OLFML1: variants seen among roughly 807,000 people sequenced by gnomAD.
The protein encoded by OLFML1 is olfactomedin-like protein 1.
Under a neutral mutation model 37.3 loss-of-function variants are expected in OLFML1, and 33 were observed. The ratio of observed to expected loss-of-function variants is 0.88; its 90% CI spans 0.67 to 1.18. OLFML1 has a LOEUF of 1.18. Ranked by LOEUF, OLFML1 falls within the 50% of genes most tolerant of loss-of-function variation. The pLI is 0.00. For synonymous variants in OLFML1, 186 were observed against 181.3 expected (o/e 1.03, Z -0.21); for missense variants, 545 against 483.7 (o/e 1.13, Z -1.19).
intron 2 of OLFML1, among the ~76,000 whole-genome samples, chr11:7,505,576 A>T (rs1197321084): frequency 6.6e-6 from 1 of 152,188 alleles, no homozygotes; most frequent in Non-Finnish European, 1.5e-5. Flanking sequence ...CATGCCTATA[A>T]TCCTAGCACT....
chr11:7,501,530 T>C (rs1375478031), intron 2 of OLFML1, among the ~76,000 whole-genome samples: 1 of 152,140 alleles, frequency 6.6e-6, no homozygotes, highest in Admixed American at 6.5e-5. Flanking sequence ...CTGGCCACAG[T>C]GTGAGACAGG....
intron 2 of OLFML1, among the ~76,000 whole-genome samples, chr11:7,494,753 G>A (rs2134179251): frequency 6.6e-6 from 1 of 152,348 alleles, no homozygotes; most frequent in South Asian, 2.1e-4. Context: ...GACTGCCAGG[G>A]AGGCACATGA....
In OLFML1 at chr11:7,486,900, C is replaced by T. The variant is rs374022460; in HGVS notation, c.129+896C>T. Among the ~76,000 whole-genome samples, 58 of 152,320 alleles carry T rather than the reference C, an allele frequency of 3.8e-4. 1 individual carries two copies. Among genetic ancestry groups the T allele is most frequent in the South Asian group, 2.1e-3 (10 of 4,828 alleles). ...GCAGGCCGAATGCATTTCCTAAGGGCGTCCAGCCAACAGGCTGGGGCCTGG... is the reference window on the plus strand; with the variant it reads ...GCAGGCCGAATGCATTTCCTAAGGGTGTCCAGCCAACAGGCTGGGGCCTGG... On this transcript the variant is annotated intron_variant, in intron 1 of 2. Coordinates refer to ENST00000329293, the MANE Select transcript of OLFML1 (RefSeq NM_198474.4).
At chr11:7,492,486 A>G (rs1349617674) in intron 2 of OLFML1, among the ~76,000 whole-genome samples, 1 of 152,228 alleles carries the variant, frequency 6.6e-6, no homozygotes, top group Non-Finnish European at 1.5e-5. Flanking sequence ...CTTCCAGGAA[A>G]TTCTAGTACT....
chr11:7,493,532 G>A (rs747549331), intron 2 of OLFML1, among the ~76,000 whole-genome samples: 5 of 152,228 alleles, frequency 3.3e-5, no homozygotes, highest in Admixed American at 1.3e-4. Context: ...GTGTGTGTAC[G>A]TGTGCCTGCG....
At position 7,488,324 on chromosome 11, in the gene OLFML1, C is replaced by G; in HGVS notation, c.327C>G (p.Asp109Glu). 6.2e-7 allele frequency: 1 copy of G among 1,613,974 alleles called. No homozygotes were observed. Among genetic ancestry groups the G allele is most frequent in the Non-Finnish European group, 8.5e-7 (1 of 1,179,940 alleles). ...IDYIQYLREA[D>E]ECIESEDKTL... ...ACATACAATACCTTCGAGAGGCTGA[C>G]GAGTGCATCGAATCAGAGGACAAGA... The change falls in exon 2 of 3, where the codon GAC becomes GAG. Residue 109 changes from aspartate (D) to glutamate (E), a missense_variant. Physicochemically the swap from Asp to Glu is conservative, Grantham distance 45. Coordinates refer to ENST00000329293, the MANE Select transcript of OLFML1 (RefSeq NM_198474.4).
intron 2 of OLFML1, among the ~76,000 whole-genome samples, chr11:7,508,141 C>T: frequency 6.6e-6 from 1 of 152,176 alleles, no homozygotes; most frequent in South Asian, 2.1e-4. Flanking sequence ...AGTGGATCAT[C>T]ATAAAGGTCT....
rs539569504 is a variant in OLFML1 at position 7,498,378 on chromosome 11, T to C, written c.418+9963T>C. ...TTGCGGGAAGCCATGGCAGGTTTGG[T>C]GACTAGTGACTAGTGTGATGAGGAA... On this transcript the variant is annotated intron_variant, in intron 2 of 2. Transcript: ENST00000329293. 4.9e-4 allele frequency among the ~76,000 whole-genome samples: 74 copies of C among 152,244 alleles called. No individual in the cohort carries two copies. In the South Asian group the frequency reaches 0.015, roughly 30 times the overall value.
chr11:7,508,430 T>G (rs1430249553), intron 2 of OLFML1, among the ~76,000 whole-genome samples: 2 of 152,242 alleles, frequency 1.3e-5, no homozygotes, highest in Non-Finnish European at 2.9e-5. Context: ...GGAATGCTTC[T>G]CCACTCCTCT....
chr11:7,501,550 T>C (rs1386642915), intron 2 of OLFML1, among the ~76,000 whole-genome samples: 6 of 152,206 alleles, frequency 3.9e-5, no homozygotes, highest in African/African-American at 1.4e-4. Context: ...GTAAGGCCAC[T>C]GTGTCCCTGG....
At chr11:7,495,809 C>T (rs1339315922) in intron 2 of OLFML1, among the ~76,000 whole-genome samples, 2 of 152,294 alleles carry the variant, frequency 1.3e-5, no homozygotes, top group South Asian at 2.1e-4. Context: ...TATTACAGCT[C>T]CTTTTCAGAT....
intron 2 of OLFML1, among the ~76,000 whole-genome samples, chr11:7,504,420 G>C (rs983784540): frequency 6.6e-6 from 1 of 152,078 alleles, no homozygotes; most frequent in Non-Finnish European, 1.5e-5. Flanking sequence ...ATTTCACTCT[G>C]AGTGAAATGA....
Position 7,510,275 on chromosome 11 carries a change from C to A in OLFML1, c.*87C>A. 9.7e-7 allele frequency: 1 copy of A among 1,035,100 alleles called. No individual in the cohort carries two copies. The highest frequency in any genetic ancestry group is 1.4e-6 in the Non-Finnish European group (1 of 724,420). 64.1% of individuals were successfully genotyped at this position (1,035,100 alleles called of 1,614,324 possible). A position where few individuals can be genotyped will look rare whatever the true frequency, so the allele number is the denominator to read the frequency against. On this transcript the variant is annotated 3_prime_UTR_variant, in exon 3 of 3. Transcript: ENST00000329293. The stretch of plus-strand genomic sequence containing the variant: ...CTATAGCCCCTTCACAATATAGTAT[C>A]CCTCTAATCACACACAGGAAGAGTG...
chr11:7,502,633 G>A (rs1387840879), intron 2 of OLFML1, among the ~76,000 whole-genome samples: 1 of 151,358 alleles, frequency 6.6e-6, no homozygotes, highest in Non-Finnish European at 1.5e-5. Flanking sequence ...CTGGGACAGA[G>A]TCTCGCTCTG....
At chr11:7,507,168 T>C (rs942196147) in intron 2 of OLFML1, among the ~76,000 whole-genome samples, 1 of 152,180 alleles carries the variant, frequency 6.6e-6, no homozygotes, top group Non-Finnish European at 1.5e-5. Context: ...GTGGGAAGAA[T>C]AGTAGCCTGA....
At chr11:7,500,244 G>A (rs969111992) in intron 2 of OLFML1, among the ~76,000 whole-genome samples, 1 of 152,178 alleles carries the variant, frequency 6.6e-6, no homozygotes, top group Non-Finnish European at 1.5e-5. Context: ...ACATTAATAT[G>A]CCTTGCTCTT....
Position 7,510,215 on chromosome 11 carries a change from T to G in OLFML1, c.*27T>G. ...GCATTACAGCTGTGAGAAAGAGCAC[T>G]GTGGCTTTGGCAGCTGTTCTACAGG... On this transcript the variant is annotated 3_prime_UTR_variant, in exon 3 of 3. Transcript: ENST00000329293. 1 of 1,570,326 alleles carries G rather than the reference T, an allele frequency of 6.4e-7. No individual in the cohort carries two copies. Among genetic ancestry groups the G allele is most frequent in the Non-Finnish European group, 8.6e-7 (1 of 1,162,704 alleles).
chr11:7,488,395 TC>T lies in OLFML1; in HGVS notation c.400del (p.Arg134GlyfsTer4). ...LLQEAEEEKK[I>X]RTLLNASCDN... ...CAAGAAGCTGAAGAAGAGAAAAAGATCCGGACTCTGCTGAATGCAAGTAAGA... is the reference window on the plus strand; with the variant it reads ...CAAGAAGCTGAAGAAGAGAAAAAGATCGGACTCTGCTGAATGCAAGTAAGA... On this transcript the variant is annotated frameshift_variant, in exon 2 of 3. Coordinates refer to ENST00000329293, the MANE Select transcript of OLFML1 (RefSeq NM_198474.4). LOFTEE classifies it high-confidence loss of function. The T allele has an allele frequency of 6.2e-7, 1 of 1,613,584 alleles. No individual in the cohort carries two copies. Among genetic ancestry groups the T allele is most frequent in the Non-Finnish European group, 8.5e-7 (1 of 1,179,760 alleles).
rs370698429 is a variant in OLFML1 at position 7,491,319 on chromosome 11, C to G, written c.418+2904C>G. Among the ~76,000 whole-genome samples the G allele has an allele frequency of 1.3e-3, 204 of 152,270 alleles. 4 individuals are homozygous for G. The South Asian group carries it at 0.041, about 31-fold the overall frequency. ...ATCTCACATATCCGACCACACAAGT[C>G]TGTATGTATTCAACTCCTCAGTCAT... On this transcript the variant is annotated intron_variant, in intron 2 of 2. Transcript: ENST00000329293.
Sources: gnomAD v4.1 joint callset for allele counts (sites outside exome capture counted in the v4.1 genomes callset) on GRCh38, gnomAD v4.1.1 for gene constraint, MANE v1.5 for transcripts, NCBI Gene and HGNC (gene_info 2026-07-23, HGNC 2026-07-21) for gene names.